The following SIM2 variants were observed in gnomAD, a reference collection of about 807,000 sequenced individuals.
SIM2 encodes the protein SIM bHLH transcription factor 2.
In SIM2, 28 loss-of-function variants were observed where a neutral mutation model predicts 64.8. The observed-to-expected ratio is 0.43, with a 90% CI of 0.32 to 0.59. The LOEUF (loss-of-function observed/expected upper bound fraction) is 0.59, where lower values mean the gene tolerates loss of function less well. Among genes scored for constraint, SIM2 ranks in the 20% least tolerant of loss-of-function variants. The pLI is 0.07. For missense variants in SIM2, 847 were observed against 871.4 expected (o/e 0.97, Z 0.35); for synonymous variants, 408 against 391.1 (o/e 1.04, Z -0.51).
Position 36,745,030 on chromosome 21 carries a change from G to A in SIM2, c.1470G>A (p.Gln490=), listed in dbSNP as rs781731790. ...LSTLPASGEC[Q]WHYANPLVPS... ...CACTGCCAGCCAGCGGTGAATGCCA[G>A]TGGCATTATGCCAACCCCCTAGTGC... Residue 490 remains glutamine (Q), a synonymous_variant, in exon 10 of 11, where the codon CAG becomes CAA. Transcript: ENST00000290399. This position sits in a 1 kb window ranked among gnomAD's most constrained non-coding sequence, Gnocchi z 4.8. 3 of 1,614,220 alleles carry A rather than the reference G, an allele frequency of 1.9e-6. No individual in the cohort carries two copies. The South Asian group carries it at 3.3e-5, about 18-fold the overall frequency.
At chr21:36,733,907 C>T (rs1212488847) in intron 7 of SIM2, among the ~76,000 whole-genome samples, 1 of 152,194 alleles carries the variant, frequency 6.6e-6, no homozygotes, top group Non-Finnish European at 1.5e-5. Context: ...AGTCATGAAG[C>T]CCACAGTGGT....
intron 3 of SIM2, among the ~76,000 whole-genome samples, chr21:36,714,268 C>T (rs947318641): frequency 2.0e-5 from 3 of 152,144 alleles, no homozygotes; most frequent in Admixed American, 6.6e-5. Flanking sequence ...ACAGTAATGT[C>T]ACAAACACAA....
intron 1 of SIM2, among the ~76,000 whole-genome samples, chr21:36,700,312 C>T (rs1480680388): frequency 1.3e-5 from 2 of 148,232 alleles, no homozygotes; most frequent in Admixed American, 6.6e-5. Flanking sequence ...TTCTTTCTTT[C>T]TTTCTCTTTC....
chr21:36,730,959 T>A (rs1354443789), intron 6 of SIM2, 86 bp from the exon 7 acceptor site: 2 of 921,292 alleles, frequency 2.2e-6, no homozygotes, highest in African/African-American at 3.3e-5. Flanking sequence ...CTTTTAGCAC[T>A]TGATTAGTTG....
Position 36,720,298 on chromosome 21 carries a change from G to A in SIM2, c.457+369G>A, listed in dbSNP as rs908119163. 9 of 207,100 alleles carry A rather than the reference G, an allele frequency of 4.3e-5. No homozygotes were observed. In the East Asian group the frequency reaches 8.2e-4, roughly 19 times the overall value. 12.8% of individuals were successfully genotyped at this position (207,100 alleles called of 1,614,324 possible). A position where few individuals can be genotyped will look rare whatever the true frequency, so the allele number is the denominator to read the frequency against. On this transcript the variant is annotated intron_variant, in intron 4 of 10. Transcript: ENST00000290399. ...ATGCCGTGCCTAAAACTCGGGGGTC[G>A]GGGGTGGTCCATGACATTTCATGGG...
At position 36,745,491 on chromosome 21, in the gene SIM2, G is replaced by A; in HGVS notation, c.1576+355G>A. 5 of 1,158,666 alleles carry A rather than the reference G, an allele frequency of 4.3e-6. No individual in the cohort carries two copies. Among genetic ancestry groups the A allele is most frequent in the Non-Finnish European group, 5.4e-6 (5 of 928,912 alleles). The allele number at this position is 1,158,666 out of a possible 1,614,324, so 71.8% of individuals were successfully genotyped here. ...AGAACACCCCAGCTGCATTTCTTTT[G>A]CAAGATTCCTTTCCACTCCAACCAG... On this transcript the variant is annotated intron_variant, in intron 10 of 10. Coordinates refer to ENST00000290399, the MANE Select transcript of SIM2 (RefSeq NM_005069.6). The surrounding 1 kb of genome is among the most constrained non-coding windows in gnomAD (Gnocchi z 4.8).
At chr21:36,713,836 C>T (rs1387341488) in intron 3 of SIM2, among the ~76,000 whole-genome samples, 1 of 152,156 alleles carries the variant, frequency 6.6e-6, no homozygotes, top group East Asian at 1.9e-4. Context: ...CTCTGTGTTT[C>T]TCAGGCAAAA....
chr21:36,720,185 G>A (rs2088806513), intron 4 of SIM2: 1 of 452,294 alleles, frequency 2.2e-6, no homozygotes, highest in East Asian at 3.4e-5. Context: ...GGACAAAAGT[G>A]GTGCAAGCCT....
chr21:36,740,338 C>T (rs906233790), intron 7 of SIM2, among the ~76,000 whole-genome samples: 1 of 152,128 alleles, frequency 6.6e-6, no homozygotes, highest in African/African-American at 2.4e-5. Flanking sequence ...GGGAATCATA[C>T]AATGTTTGTT....
intron 1 of SIM2, among the ~76,000 whole-genome samples, chr21:36,703,483 C>T (rs2054515732): frequency 6.6e-6 from 1 of 152,146 alleles, no homozygotes; most frequent in African/African-American, 2.4e-5. Context: ...CTGTGAGCTC[C>T]CCATATTCCC....
chr21:36,745,913 A>G lies in SIM2; in HGVS notation c.1576+777A>G. On this transcript the variant is annotated intron_variant, in intron 10 of 10. Transcript: ENST00000290399. The surrounding 1 kb of genome is among the most constrained non-coding windows in gnomAD (Gnocchi z 4.8). ...AAGGTGGGAACAGAGGTTTAGCTGC[A>G]GGACATGTATTCCCATTGCACCGAG... The G allele has an allele frequency of 7.8e-7, 1 of 1,284,176 alleles. No homozygotes were observed. Among genetic ancestry groups the G allele is most frequent in the Non-Finnish European group, 1.0e-6 (1 of 975,754 alleles). 79.5% of individuals were successfully genotyped at this position (1,284,176 alleles called of 1,614,324 possible). A position where few individuals can be genotyped will look rare whatever the true frequency, so the allele number is the denominator to read the frequency against.
At chr21:36,730,078 G>A (rs544840792) in intron 6 of SIM2, among the ~76,000 whole-genome samples, 1 of 152,232 alleles carries the variant, frequency 6.6e-6, no homozygotes, top group East Asian at 1.9e-4. Flanking sequence ...CCCCTCATAG[G>A]AGCCTAAAGG....
chr21:36,731,968 C>T (rs367561665), intron 7 of SIM2, among the ~76,000 whole-genome samples: 4 of 152,112 alleles, frequency 2.6e-5, no homozygotes, highest in Admixed American at 6.5e-5. Context: ...CTGCAACCTC[C>T]GCCTCCTGGG....
chr21:36,699,647 G>A lies in SIM2; in HGVS notation c.-100G>A, dbSNP rs2088454696. 1 of 1,389,198 alleles carries A rather than the reference G, an allele frequency of 7.2e-7. No individual in the cohort carries two copies. Among genetic ancestry groups the A allele is most frequent in the East Asian group, 2.8e-5 (1 of 35,372 alleles). The allele number at this position is 1,389,198 out of a possible 1,614,324, so 86.1% of individuals were successfully genotyped here. ...GCGGCCCACTCCGCGGACTCACCTG[G>A]CTCCCGGCTCCCCCTTCCCCATCCC... is the stretch of plus-strand genomic sequence containing the variant. On this transcript the variant is annotated 5_prime_UTR_variant, in exon 1 of 11. Transcript: ENST00000290399. The surrounding 1 kb of genome is among the most constrained non-coding windows in gnomAD (Gnocchi z 5.6).
chr21:36,716,578 A>T (rs76139714), intron 3 of SIM2, among the ~76,000 whole-genome samples: 1 of 152,142 alleles, frequency 6.6e-6, no homozygotes, highest in Non-Finnish European at 1.5e-5. Context: ...AAAATCCTTA[A>T]TTTACCATAC....
chr21:36,740,543 C>A, intron 7 of SIM2, among the ~76,000 whole-genome samples: 1 of 152,160 alleles, frequency 6.6e-6, no homozygotes, highest in East Asian at 1.9e-4. Context: ...GCAGCATTTT[C>A]TTTTGCACCA....
intron 5 of SIM2, among the ~76,000 whole-genome samples, chr21:36,724,174 G>C (rs1459697524): frequency 6.6e-6 from 1 of 152,248 alleles, no homozygotes; most frequent in East Asian, 1.9e-4. Flanking sequence ...ATATCTCACT[G>C]TGCTGTTACA....
chr21:36,721,690 C>T (rs1234867619), intron 4 of SIM2, among the ~76,000 whole-genome samples: 1 of 152,148 alleles, frequency 6.6e-6, no homozygotes, highest in Admixed American at 6.5e-5. Flanking sequence ...CCCACCTCAG[C>T]CTCCCAAAGT....
At chr21:36,706,470 TA>T (rs2088584562) in intron 1 of SIM2, among the ~76,000 whole-genome samples, 1 of 152,194 alleles carries the variant, frequency 6.6e-6, no homozygotes, top group South Asian at 2.1e-4. Context: ...TGGGAGCCGC[TA>T]ACCCCGAGGC....
Sources: gnomAD v4.1 joint callset for allele counts (sites outside exome capture counted in the v4.1 genomes callset) on GRCh38, gnomAD v4.1.1 for gene constraint, Gnocchi (gnomAD v3.1) non-coding constraint, MANE v1.5 for transcripts, NCBI Gene and HGNC (gene_info 2026-07-23, HGNC 2026-07-21) for gene names.